The following PDE1C variants were observed in gnomAD, a reference collection of about 807,000 sequenced individuals.
PDE1C encodes the protein phosphodiesterase 1C.
PDE1C carries 62 observed loss-of-function variants against 93.1 expected under a neutral mutation model. That is an observed-to-expected ratio of 0.67 (90% confidence interval 0.54 to 0.82). The LOEUF (loss-of-function observed/expected upper bound fraction) is 0.82, where lower values mean the gene tolerates loss of function less well. Among genes scored for constraint, PDE1C ranks in the 40% least tolerant of loss-of-function variants. The pLI is 0.00. For synonymous variants in PDE1C, 325 were observed against 310.1 expected (o/e 1.05, Z -0.50); for missense variants, 742 against 884.6 (o/e 0.84, Z 2.04).
intron 2 of PDE1C, among the ~76,000 whole-genome samples, chr7:32,029,464 C>T (rs886578456): frequency 1.3e-5 from 2 of 151,860 alleles, no homozygotes; most frequent in African/African-American, 4.8e-5. Context: ...TTTGGAAAAA[C>T]AAAGAATTTC....
chr7:32,187,622 T>C (rs1803970065), intron 2 of PDE1C, among the ~76,000 whole-genome samples: 1 of 147,616 alleles, frequency 6.8e-6, no homozygotes, highest in South Asian at 2.1e-4. Context: ...TCAATACTTC[T>C]TTAACGTAAC....
At chr7:31,850,926 TAAC>T in intron 7 of PDE1C, 185 bp from the exon 8 acceptor site, 1 of 572,346 alleles carries the variant, frequency 1.7e-6, no homozygotes, top group Admixed American at 2.9e-5. Context: ...TGTGATTTGT[TAAC>T]AATGTGTTCA....
chr7:31,815,042 A>G lies in PDE1C; in HGVS notation c.1813+882T>C, dbSNP rs554222049. 5.9e-5 allele frequency among the ~76,000 whole-genome samples: 9 copies of G among 152,090 alleles called. 1 individual carries two copies. In the South Asian group the frequency reaches 1.9e-3, roughly 32 times the overall value. ...GCTCATCTTGTTCTCTCCACTCAGA[A>G]GTATCTTTAGCCCATCTGACCAGCC... On this transcript the variant is annotated intron_variant, in intron 15 of 17. Coordinates refer to ENST00000396191, the MANE Select transcript of PDE1C (RefSeq NM_001191057.4).
At chr7:31,685,521 A>G in the PDE1C span, among the ~76,000 whole-genome samples, 4 of 152,204 alleles carry the variant, frequency 2.6e-5, no homozygotes, top group Non-Finnish European at 5.9e-5. Flanking sequence ...GAAGGAAAGT[A>G]TATCTTTTCC....
the PDE1C span, among the ~76,000 whole-genome samples, chr7:31,617,778 A>G: frequency 6.6e-6 from 1 of 152,286 alleles, no homozygotes; most frequent in East Asian, 1.9e-4. Context: ...GAAATTGAAG[A>G]TAATAAAGAT....
chr7:32,425,777 C>T (rs894234080), intron 1 of PDE1C, among the ~76,000 whole-genome samples: 3 of 151,962 alleles, frequency 2.0e-5, no homozygotes, highest in African/African-American at 7.2e-5. Flanking sequence ...CTTGTCTCTA[C>T]AAAAAACATG....
chr7:31,732,364 C>T, the PDE1C span, among the ~76,000 whole-genome samples: 6 of 151,842 alleles, frequency 4.0e-5, no homozygotes, highest in Admixed American at 2.0e-4. Flanking sequence ...TAGGTGTTGC[C>T]GTGAAGATTT....
the PDE1C span, among the ~76,000 whole-genome samples, chr7:31,691,667 G>A: frequency 6.6e-6 from 1 of 151,746 alleles, no homozygotes; most frequent in African/African-American, 2.4e-5. Context: ...TCTCATGTCT[G>A]GAATCCCTAG....
chr7:31,998,704 CA>C (rs1401641053), intron 2 of PDE1C, among the ~76,000 whole-genome samples: 1 of 152,168 alleles, frequency 6.6e-6, no homozygotes, highest in Non-Finnish European at 1.5e-5. Context: ...ACATAACTAA[CA>C]ATTTCATTAA....
the PDE1C span, among the ~76,000 whole-genome samples, chr7:31,619,750 T>C: frequency 6.6e-6 from 1 of 152,010 alleles, no homozygotes; most frequent in Admixed American, 6.5e-5. Flanking sequence ...TGCCAGACAG[T>C]GGGCGCAGGT....
chr7:32,206,951 G>A (rs1805609329), intron 2 of PDE1C, among the ~76,000 whole-genome samples: 1 of 152,178 alleles, frequency 6.6e-6, no homozygotes, highest in Non-Finnish European at 1.5e-5. Flanking sequence ...CTTCCTTTGA[G>A]TTCCCTTCCC....
chr7:32,106,097 G>A (rs901099593), intron 3 of PDE1C, among the ~76,000 whole-genome samples: 1 of 151,238 alleles, frequency 6.6e-6, no homozygotes, highest in African/African-American at 2.4e-5. Flanking sequence ...CTACAGCCTC[G>A]ACCTCCTGGG....
the PDE1C span, among the ~76,000 whole-genome samples, chr7:31,738,958 G>C: frequency 1.9e-3 from 288 of 152,060 alleles, 1 homozygote; most frequent in South Asian, 3.1e-3. Flanking sequence ...GTTCTCCTTG[G>C]AGAATACCAG....
At chr7:31,650,405 TC>T in the PDE1C span, among the ~76,000 whole-genome samples, 3 of 152,054 alleles carry the variant, frequency 2.0e-5, no homozygotes, top group African/African-American at 7.2e-5. Context: ...TCCAAAGTTC[TC>T]AGGAGCTGCA....
At chr7:31,728,380 G>A in the PDE1C span, among the ~76,000 whole-genome samples, 16 of 152,284 alleles carry the variant, frequency 1.1e-4, no homozygotes, top group South Asian at 2.9e-3. Context: ...CAGTCCCAGG[G>A]AGACATGAAC....
At chr7:31,681,743 G>A in the PDE1C span, among the ~76,000 whole-genome samples, 2 of 152,290 alleles carry the variant, frequency 1.3e-5, no homozygotes, top group East Asian at 1.9e-4. Context: ...TTCCCCTCAT[G>A]CAAGAAGACC....
intron 15 of PDE1C, among the ~76,000 whole-genome samples, chr7:31,813,740 T>C (rs1787852771): frequency 6.6e-6 from 1 of 152,124 alleles, no homozygotes; most frequent in Non-Finnish European, 1.5e-5. Flanking sequence ...ATTTGTGAGA[T>C]TTTGGTATAG....
intron 1 of PDE1C, among the ~76,000 whole-genome samples, chr7:32,218,863 C>T (rs944886372): frequency 1.3e-5 from 2 of 152,204 alleles, no homozygotes. Flanking sequence ...CAAGATCAAA[C>T]AATCAATTGC....
chr7:31,798,686 C>T (rs3807623), intron 16 of PDE1C, among the ~76,000 whole-genome samples: 2,442 of 151,754 alleles, frequency 0.016, 46 homozygotes, highest in East Asian at 0.12. Flanking sequence ...AAAGGAATTA[C>T]AAAATTCTCC....
Sources: allele counts gnomAD v4.1 joint callset (sites outside exome capture counted in the v4.1 genomes callset), GRCh38; gene constraint gnomAD v4.1.1; transcripts MANE v1.5; gene names NCBI Gene and HGNC (gene_info 2026-07-23, HGNC 2026-07-21).